SNX29: variants seen among roughly 807,000 people sequenced by gnomAD.
The protein encoded by SNX29 is sorting nexin-29.
In SNX29, 78 loss-of-function variants were observed where a neutral mutation model predicts 102.1. The ratio of observed to expected loss-of-function variants is 0.76; its 90% CI spans 0.64 to 0.92. The LOEUF (loss-of-function observed/expected upper bound fraction) is 0.92. Ranked by LOEUF, SNX29 falls within the 40% of genes least tolerant of loss-of-function variation. The probability of loss-of-function intolerance (pLI) is 0.00; values close to 1 mark genes in which losing one functional copy is unlikely to be tolerated. For missense variants in SNX29, 1,280 were observed against 1,061.7 expected (o/e 1.21, Z -2.86); for synonymous variants, 580 against 414.5 (o/e 1.40, Z -4.85).
chr16:11,986,865 A>G (rs1310349021), intron 1 of SNX29, among the ~76,000 whole-genome samples: 3 of 152,204 alleles, frequency 2.0e-5, no homozygotes, highest in Non-Finnish European at 4.4e-5. Flanking sequence ...GCTGTGTTCC[A>G]ATAAAACTTT....
chr16:12,571,985 TCCAGTCA>T lies in SNX29; in HGVS notation c.*3362_*3368del. On this transcript the variant is annotated 3_prime_UTR_variant, in exon 21 of 21. Transcript: ENST00000566228. ...GTCTATGGTGGTAGCCATCTTCACA[TCCAGTCA>T]CCAGTTGCATCTAGGGAGCTGCTGG... 9.4e-7 allele frequency: 1 copy of T among 1,062,110 alleles called. No homozygotes were observed. The highest frequency in any genetic ancestry group is 1.1e-6 in the Non-Finnish European group (1 of 877,216). The allele number at this position is 1,062,110 out of a possible 1,614,324, so 65.8% of individuals were successfully genotyped here. A position where few individuals can be genotyped will look rare whatever the true frequency, so the allele number is the denominator to read the frequency against.
At chr16:12,464,307 C>T (rs2086953288) in intron 18 of SNX29, among the ~76,000 whole-genome samples, 1 of 151,890 alleles carries the variant, frequency 6.6e-6, no homozygotes, top group Non-Finnish European at 1.5e-5. Context: ...AGACACACCA[C>T]ATTTTCTTTA....
chr16:12,189,853 C>T (rs1003833581), intron 13 of SNX29, among the ~76,000 whole-genome samples: 4 of 152,132 alleles, frequency 2.6e-5, no homozygotes, highest in South Asian at 2.1e-4. Flanking sequence ...TCCCATTTAT[C>T]AGTGGGAACT....
chr16:11,998,148 G>A (rs969231115), intron 1 of SNX29, among the ~76,000 whole-genome samples: 1 of 152,192 alleles, frequency 6.6e-6, no homozygotes, highest in Non-Finnish European at 1.5e-5. Flanking sequence ...TGCAGCCCAC[G>A]TAGAGTTGCC....
intron 15 of SNX29, among the ~76,000 whole-genome samples, chr16:12,334,901 C>CTTT (rs36176543): frequency 0.1 from 9,591 of 93,610 alleles, 537 homozygotes; most frequent in Middle Eastern, 0.26. Context: ...GCCCCAGAGC[C>CTTT]TTTTTTTTTT....
rs1039987820 is a variant in SNX29 at position 12,353,779 on chromosome 16, C to T, written c.1783-2384C>T. 2.6e-5 allele frequency among the ~76,000 whole-genome samples: 4 copies of T among 152,194 alleles called. No individual in the cohort carries two copies. In the South Asian group the frequency reaches 6.2e-4, roughly 24 times the overall value. ...GGAGAAGGGGGATTGGAGAGAAAGG[C>T]TGGGGCTGCATCTTGAAGGAGTTTG... On this transcript the variant is annotated intron_variant, in intron 15 of 20. Coordinates refer to ENST00000566228, the MANE Select transcript of SNX29 (RefSeq NM_032167.5).
intron 4 of SNX29, among the ~76,000 whole-genome samples, chr16:12,030,751 A>G (rs531681152): frequency 5.3e-5 from 8 of 152,204 alleles, no homozygotes; most frequent in Non-Finnish European, 1.2e-4. Flanking sequence ...GGGACAAAGT[A>G]TCCAGTGCGT....
At chr16:12,545,114 CTG>C (rs1279809771) in intron 20 of SNX29, among the ~76,000 whole-genome samples, 2 of 152,176 alleles carry the variant, frequency 1.3e-5, no homozygotes, top group African/African-American at 2.4e-5. Flanking sequence ...GTAGCCAGCT[CTG>C]TGAGGCCCCA....
intron 15 of SNX29, among the ~76,000 whole-genome samples, chr16:12,279,933 G>T (rs538185845): frequency 6.6e-6 from 1 of 152,306 alleles, no homozygotes; most frequent in African/African-American, 2.4e-5. Flanking sequence ...GTGCAGCTCA[G>T]TGAGGGTGCC....
chr16:12,465,277 C>A (rs1191489985), intron 18 of SNX29, among the ~76,000 whole-genome samples: 5 of 151,948 alleles, frequency 3.3e-5, no homozygotes, highest in East Asian at 1.9e-4. Flanking sequence ...GTAACATATT[C>A]AAAAAAATTA....
At chr16:12,519,368 C>G (rs747651459) in intron 19 of SNX29, among the ~76,000 whole-genome samples, 3 of 152,180 alleles carry the variant, frequency 2.0e-5, no homozygotes, top group Admixed American at 6.5e-5. Context: ...AAGAGGTGCA[C>G]TGTAACTCGT....
chr16:12,554,096 G>C (rs1402450998), intron 20 of SNX29, among the ~76,000 whole-genome samples: 1 of 152,222 alleles, frequency 6.6e-6, no homozygotes. Context: ...AAAAGCACTT[G>C]GGATTACAGG....
At chr16:12,295,595 C>A (rs965869554) in intron 15 of SNX29, among the ~76,000 whole-genome samples, 6 of 152,164 alleles carry the variant, frequency 3.9e-5, no homozygotes, top group African/African-American at 1.4e-4. Context: ...CTCACAGGTT[C>A]CATTTTCAGT....
At chr16:12,051,016 C>T (rs567758945) in intron 7 of SNX29, among the ~76,000 whole-genome samples, 97 of 152,284 alleles carry the variant, frequency 6.4e-4, no homozygotes, top group Non-Finnish European at 1.2e-3. Context: ...CCACCGCGCC[C>T]GGCCCTTTCT....
intron 18 of SNX29, among the ~76,000 whole-genome samples, chr16:12,422,102 C>G (rs949689001): frequency 2.6e-5 from 4 of 152,196 alleles, no homozygotes; most frequent in African/African-American, 4.8e-5. Flanking sequence ...CTTCTCTCTC[C>G]TTTCTTAGGG....
chr16:12,380,775 A>C, intron 16 of SNX29, among the ~76,000 whole-genome samples: 2 of 51,636 alleles, frequency 3.9e-5, no homozygotes, highest in Non-Finnish European at 4.4e-5. Flanking sequence ...CCCACCATCC[A>C]TCCATCCACC....
chr16:12,191,099 C>T (rs957126606), intron 13 of SNX29, among the ~76,000 whole-genome samples: 19 of 152,158 alleles, frequency 1.2e-4, no homozygotes, highest in African/African-American at 4.6e-4. Flanking sequence ...CGTTCCATCT[C>T]AGATCCTCAG....
intron 15 of SNX29, among the ~76,000 whole-genome samples, chr16:12,294,917 G>A (rs1010330673): frequency 2.6e-5 from 4 of 152,116 alleles, no homozygotes; most frequent in African/African-American, 9.7e-5. Context: ...GCTTAATGGA[G>A]TCACAGTTTT....
chr16:12,426,096 T>TAAAA, intron 18 of SNX29, among the ~76,000 whole-genome samples: 3 of 151,588 alleles, frequency 2.0e-5, no homozygotes, highest in African/African-American at 7.3e-5. Context: ...TTTTTTTTTT[T>TAAAA]AAAAAGATAC....
Sources: allele counts gnomAD v4.1 joint callset (sites outside exome capture counted in the v4.1 genomes callset), GRCh38; gene constraint gnomAD v4.1.1; transcripts MANE v1.5; gene names NCBI Gene and HGNC (gene_info 2026-07-23, HGNC 2026-07-21).